DAB1: variants seen among roughly 807,000 people sequenced by gnomAD.
The protein encoded by DAB1 is disabled homolog 1.
A neutral mutation model predicts 64.6 loss-of-function variants in DAB1; 15 were observed. That is an observed-to-expected ratio of 0.23 (90% CI 0.16 to 0.36). The LOEUF (loss-of-function observed/expected upper bound fraction) is 0.36, where lower values mean the gene tolerates loss of function less well. Ranked by LOEUF, DAB1 falls within the 10% of genes least tolerant of loss-of-function variation. The probability of loss-of-function intolerance (pLI) is 1.00; values close to 1 mark genes in which losing one functional copy is unlikely to be tolerated. For missense variants in DAB1, 596 were observed against 706.7 expected (o/e 0.84, Z 1.78); for synonymous variants, 235 against 251.9 (o/e 0.93, Z 0.64).
At chr1:57,679,297 C>T (rs149881379) in intron 6 of DAB1, among the ~76,000 whole-genome samples, 1 of 152,244 alleles carries the variant, frequency 6.6e-6, no homozygotes, top group African/African-American at 2.4e-5. Context: ...AACTAAGATT[C>T]CTCTCCACAT....
At chr1:57,500,958 A>G (rs780310131) in intron 7 of DAB1, among the ~76,000 whole-genome samples, 3 of 152,266 alleles carry the variant, frequency 2.0e-5, no homozygotes, top group Non-Finnish European at 4.4e-5. Flanking sequence ...TCTCTAAAAC[A>G]TAAAGCTCAA....
chr1:57,805,664 A>T (rs987738410), intron 6 of DAB1, among the ~76,000 whole-genome samples: 37 of 152,306 alleles, frequency 2.4e-4, no homozygotes, highest in African/African-American at 8.9e-4. Flanking sequence ...AGGTGTCCTG[A>T]CATCACCATT....
intron 7 of DAB1, among the ~76,000 whole-genome samples, chr1:57,608,850 T>C (rs1645692086): frequency 1.3e-5 from 2 of 152,196 alleles, no homozygotes; most frequent in Admixed American, 1.3e-4. Context: ...TTCTATTAAC[T>C]TGAAGTCAAT....
intron 5 of DAB1, among the ~76,000 whole-genome samples, chr1:58,066,577 G>T (rs1648867397): frequency 6.6e-6 from 1 of 152,144 alleles, no homozygotes; most frequent in South Asian, 2.1e-4. Flanking sequence ...TTATTTTACA[G>T]ATGAAGAAAC....
intron 3 of DAB1, chr1:58,468,323 G>T (rs1402404002): frequency 1.3e-5 from 2 of 152,196 alleles, no homozygotes; most frequent in Non-Finnish European, 2.9e-5. Context: ...GTTACATACT[G>T]TATGTATCAC....
chr1:57,059,770 G>A (rs1650191168), intron 9 of DAB1, among the ~76,000 whole-genome samples: 1 of 152,094 alleles, frequency 6.6e-6, no homozygotes, highest in African/African-American at 2.4e-5. Flanking sequence ...CTGAGTCTCT[G>A]AGGCAAGGAA....
chr1:58,314,112 A>G (rs1387153419), intron 4 of DAB1, among the ~76,000 whole-genome samples: 2 of 151,634 alleles, frequency 1.3e-5, no homozygotes, highest in African/African-American at 4.8e-5. Context: ...ACTTAATCTC[A>G]CTCCATGGAC....
At chr1:57,107,901 C>T (rs550527385) in intron 4 of DAB1, among the ~76,000 whole-genome samples, 1 of 152,232 alleles carries the variant, frequency 6.6e-6, no homozygotes, top group South Asian at 2.1e-4. Context: ...TTGTGCATTT[C>T]TGTTTCATCT....
Position 58,026,495 on chromosome 1 carries a change from G to A in DAB1, n.387+124016C>T, listed in dbSNP as rs565707383. On this transcript the variant is annotated intron_variant and non_coding_transcript_variant, in intron 5 of 20. Coordinates refer to the DAB1 transcript ENST00000485760. ...TATGCTAAGAACTTAGTACATCATCGGGATGCATCATATAAACTATTGAAT... is the reference window on the plus strand; with the variant it reads ...TATGCTAAGAACTTAGTACATCATCAGGATGCATCATATAAACTATTGAAT... 5.9e-4 allele frequency among the ~76,000 whole-genome samples: 90 copies of A among 152,170 alleles called. 1 individual carries two copies. In the South Asian group the frequency reaches 0.015, roughly 26 times the overall value.
At chr1:57,508,203 C>T (rs1363855050) in intron 7 of DAB1, among the ~76,000 whole-genome samples, 1 of 152,186 alleles carries the variant, frequency 6.6e-6, no homozygotes, top group Non-Finnish European at 1.5e-5. Context: ...TGCCTTGGCT[C>T]CAGATCTGCT....
At chr1:57,014,725 T>C (rs1319485928) in intron 12 of DAB1, among the ~76,000 whole-genome samples, 158 bp downstream of exon 12, 1 of 152,208 alleles carries the variant, frequency 6.6e-6, no homozygotes, top group Non-Finnish European at 1.5e-5. Flanking sequence ...CAGTGGTATC[T>C]AAATTGGCAG....
intron 1 of DAB1, among the ~76,000 whole-genome samples, chr1:58,537,517 TCC>T (rs1646536553): frequency 6.6e-6 from 1 of 151,870 alleles, no homozygotes. Context: ...TCTGAGAAGG[TCC>T]AATTTCTACC....
chr1:58,300,693 G>GA (rs1557726435), intron 4 of DAB1, among the ~76,000 whole-genome samples: 3 of 148,630 alleles, frequency 2.0e-5, no homozygotes, highest in Non-Finnish European at 4.5e-5. Flanking sequence ...AGGAAGGAAG[G>GA]AAGGAAGGAA....
intron 2 of DAB1, among the ~76,000 whole-genome samples, chr1:58,512,132 T>C (rs1646086481): frequency 6.6e-6 from 1 of 152,058 alleles, no homozygotes; most frequent in Non-Finnish European, 1.5e-5. Flanking sequence ...CAAAAGTAGG[T>C]AACAAGTATT....
intron 1 of DAB1, among the ~76,000 whole-genome samples, chr1:57,358,560 C>A (rs1679301940): frequency 6.6e-6 from 1 of 151,788 alleles, no homozygotes; most frequent in Non-Finnish European, 1.5e-5. Context: ...CCATACTATC[C>A]AAAGCAGTCT....
In DAB1 at chr1:57,833,324, TG is replaced by T. The variant is rs1652675350; in HGVS notation, n.88-6870del. On this transcript the variant is annotated intron_variant and non_coding_transcript_variant, in intron 1 of 1. Transcript: ENST00000477280. ...GGTTCATTTATGCATTTCTTTTACATGAACATTAACTGTTGCATGTTTCACA... is the reference window on the plus strand; with the variant it reads ...GGTTCATTTATGCATTTCTTTTACATAACATTAACTGTTGCATGTTTCACA... Among the ~76,000 whole-genome samples, 3 of 152,252 alleles carry T rather than the reference TG, an allele frequency of 2.0e-5. No individual in the cohort carries two copies. The South Asian group carries it at 6.2e-4, about 32-fold the overall frequency.
At chr1:57,416,109 T>C (rs978913943) in intron 1 of DAB1, among the ~76,000 whole-genome samples, 1 of 152,176 alleles carries the variant, frequency 6.6e-6, no homozygotes, top group African/African-American at 2.4e-5. Context: ...CTCTCATTCA[T>C]TCTACCATGC....
Position 58,392,987 on chromosome 1 carries a change from CGGTCAGAGTTGGGATT to C in DAB1, n.258-49600_258-49585del, listed in dbSNP as rs1391541402. ...TTGCCTATCCCTCAAATGTTGGGAT[CGGTCAGAGTTGGGATT>C]GGTCAGAGTTCCAGCTGTGGCTATC... is the stretch of plus-strand genomic sequence containing the variant. On this transcript the variant is annotated intron_variant and non_coding_transcript_variant, in intron 3 of 20. Coordinates refer to the DAB1 transcript ENST00000485760. Among the ~76,000 whole-genome samples, 111 of 152,238 alleles carry C rather than the reference CGGTCAGAGTTGGGATT, an allele frequency of 7.3e-4. 1 individual carries two copies. The highest frequency in any genetic ancestry group is 7.3e-3 in the Admixed American group (111 of 15,262).
At chr1:58,460,153 C>T (rs544274207) in intron 3 of DAB1, among the ~76,000 whole-genome samples, 1 of 152,252 alleles carries the variant, frequency 6.6e-6, no homozygotes, top group African/African-American at 2.4e-5. Context: ...GCATGGATGA[C>T]TCCACAAGAG....
Sources: gnomAD v4.1 joint callset for allele counts (sites outside exome capture counted in the v4.1 genomes callset) on GRCh38, gnomAD v4.1.1 for gene constraint, MANE v1.5 for transcripts, NCBI Gene and HGNC (gene_info 2026-07-23, HGNC 2026-07-21) for gene names.